Variants in XNDC1N observed in about 807,000 individuals in gnomAD.
The protein encoded by XNDC1N is protein XNDC1N.
the XNDC1N span, among the ~76,000 whole-genome samples, chr11:71,888,953 T>C: frequency 1.3e-5 from 2 of 152,210 alleles, no homozygotes; most frequent in Non-Finnish European, 2.9e-5. Context: ...ACCTGACCTC[T>C]GGGACCAGCC....
the XNDC1N span, chr11:71,894,141 C>A: frequency 3.7e-6 from 2 of 539,962 alleles, no homozygotes; most frequent in South Asian, 2.0e-5. Flanking sequence ...TCGTCCCCTC[C>A]ATTCTTAGGA....
At chr11:71,877,091 C>G in the XNDC1N span, among the ~76,000 whole-genome samples, 1 of 152,352 alleles carries the variant, frequency 6.6e-6, no homozygotes. Context: ...CTTCCAAGAC[C>G]TCCCCATCCC....
chr11:71,917,896 A>C, the XNDC1N span: 1 of 620,882 alleles, frequency 1.6e-6, no homozygotes, highest in Non-Finnish European at 2.9e-6. Flanking sequence ...AGGTTCAGCG[A>C]TATGTGGAGT....
At chr11:71,889,974 G>A in the XNDC1N span, among the ~76,000 whole-genome samples, 43 of 152,282 alleles carry the variant, frequency 2.8e-4, no homozygotes, top group Middle Eastern at 3.4e-3. Context: ...ACGGGCCTGC[G>A]TTTTTGGTTG....
At chr11:71,881,835 A>T in the XNDC1N span, among the ~76,000 whole-genome samples, 2 of 152,186 alleles carry the variant, frequency 1.3e-5, no homozygotes, top group African/African-American at 4.8e-5. Flanking sequence ...AAAAAGAATT[A>T]AAAAGAACAG....
the XNDC1N span, chr11:71,903,451 A>G: frequency 6.5e-6 from 6 of 918,670 alleles, no homozygotes; most frequent in African/African-American, 9.8e-5. Context: ...ATCCAGTCTC[A>G]CAGCAGAGTC....
At chr11:71,892,671 A>C in the XNDC1N span, among the ~76,000 whole-genome samples, 1 of 151,190 alleles carries the variant, frequency 6.6e-6, no homozygotes, top group African/African-American at 2.4e-5. Context: ...ACCAGCCACC[A>C]TGCCCGGCTA....
chr11:71,919,418 T>A, the XNDC1N span, among the ~76,000 whole-genome samples: 1 of 150,046 alleles, frequency 6.7e-6, no homozygotes, highest in Non-Finnish European at 1.5e-5. Flanking sequence ...AGACAGAGTC[T>A]TGCTCTGTCG....
the XNDC1N span, among the ~76,000 whole-genome samples, chr11:71,925,170 C>G: frequency 6.6e-6 from 1 of 151,962 alleles, no homozygotes; most frequent in Non-Finnish European, 1.5e-5. Flanking sequence ...TCTCACTTAG[C>G]CTTTAACAGA....
chr11:71,879,490 A>T, the XNDC1N span, among the ~76,000 whole-genome samples: 1 of 152,366 alleles, frequency 6.6e-6, no homozygotes, highest in South Asian at 2.1e-4. Flanking sequence ...AGCACATTTT[A>T]ATACTTCACA....
At chr11:71,919,927 C>CT in the XNDC1N span, among the ~76,000 whole-genome samples, 3 of 67,254 alleles carry the variant, frequency 4.5e-5, no homozygotes, top group East Asian at 4.6e-4. Context: ...AAAAGCAGGC[C>CT]TCTTTTTTTT....
the XNDC1N span, among the ~76,000 whole-genome samples, chr11:71,885,441 G>T: frequency 6.6e-6 from 1 of 152,182 alleles, no homozygotes; most frequent in African/African-American, 2.4e-5. Context: ...GATGTTGGGA[G>T]TAATAGCATT....
the XNDC1N span, chr11:71,904,010 T>C: frequency 5.7e-6 from 3 of 522,020 alleles, no homozygotes; most frequent in Admixed American, 3.9e-5. Context: ...AAGCGTGCAG[T>C]GGCCTCAGTG....
At chr11:71,902,435 C>A in the XNDC1N span, among the ~76,000 whole-genome samples, 6 of 152,196 alleles carry the variant, frequency 3.9e-5, no homozygotes, top group African/African-American at 1.4e-4. Flanking sequence ...CAGTGATCCG[C>A]CCTCCTCGGC....
the XNDC1N span, among the ~76,000 whole-genome samples, chr11:71,922,391 C>T: frequency 6.6e-6 from 1 of 152,182 alleles, no homozygotes; most frequent in East Asian, 1.9e-4. Flanking sequence ...TTAGCCTCAA[C>T]CTCCTGGGCT....
the XNDC1N span, chr11:71,884,762 C>A: frequency 1.2e-6 from 1 of 805,754 alleles, no homozygotes; most frequent in East Asian, 2.8e-5. Flanking sequence ...AATTTACATC[C>A]ACAGCCACAT....
At chr11:71,876,775 C>T in the XNDC1N span, among the ~76,000 whole-genome samples, 48 of 152,212 alleles carry the variant, frequency 3.2e-4, no homozygotes, top group Admixed American at 3.1e-3. Context: ...AGCTTTTCCT[C>T]GTGATCAAGA....
At chr11:71,886,163 C>T in the XNDC1N span, among the ~76,000 whole-genome samples, 6 of 151,946 alleles carry the variant, frequency 3.9e-5, no homozygotes, top group Non-Finnish European at 8.8e-5. Flanking sequence ...CAGCCCTTCA[C>T]CTGCGTCAAT....
chr11:71,867,442 A>C, the XNDC1N span, among the ~76,000 whole-genome samples: 1 of 152,170 alleles, frequency 6.6e-6, no homozygotes. Flanking sequence ...GAGTAGGCTC[A>C]CCAGTCATAG....
Sources: allele counts gnomAD v4.1 joint callset (sites outside exome capture counted in the v4.1 genomes callset), GRCh38; gene constraint gnomAD v4.1.1; transcripts MANE v1.5; gene names NCBI Gene and HGNC (gene_info 2026-07-23, HGNC 2026-07-21).